WBP2NL: variants seen among roughly 807,000 people sequenced by gnomAD.
WBP2NL encodes the protein postacrosomal sheath WW domain-binding protein.
In WBP2NL, 27 loss-of-function variants were observed where a neutral mutation model predicts 23.3. The observed-to-expected ratio is 1.16, with a 90% CI of 0.85 to 1.60. The LOEUF (loss-of-function observed/expected upper bound fraction) is 1.60, where lower values mean the gene tolerates loss of function less well. Ranked by LOEUF, WBP2NL falls within the 40% of genes most tolerant of loss-of-function variation. The pLI is 0.00. For missense variants in WBP2NL, 370 were observed against 389.5 expected (o/e 0.95, Z 0.42); for synonymous variants, 151 against 145.9 (o/e 1.03, Z -0.25).
At chr22:42,056,629 G>T (rs950125839) in intron 8 of WBP2NL, among the ~76,000 whole-genome samples, 4 of 152,032 alleles carry the variant, frequency 2.6e-5, no homozygotes, top group Non-Finnish European at 4.4e-5. Flanking sequence ...TTGAAAGATA[G>T]TTTGGCCAAA....
At chr22:42,007,508 A>G (rs1017419888) in intron 1 of WBP2NL, among the ~76,000 whole-genome samples, 16 of 152,186 alleles carry the variant, frequency 1.1e-4, no homozygotes, top group Non-Finnish European at 2.4e-4. Flanking sequence ...CTGAGTGCCC[A>G]CTTCACCATA....
chr22:42,034,743 G>A (rs940411819), downstream of WBP2NL, among the ~76,000 whole-genome samples: 12 of 152,198 alleles, frequency 7.9e-5, no homozygotes, highest in African/African-American at 2.7e-4. Flanking sequence ...CCTACCCCTA[G>A]GTGCGCATTC....
intron 8 of WBP2NL, among the ~76,000 whole-genome samples, chr22:42,057,773 TATTAG>T (rs1457884867): frequency 2.7e-5 from 4 of 147,086 alleles, no homozygotes; most frequent in African/African-American, 1.0e-4. Context: ...ATAGATTGGT[TATTAG>T]ATTATTTTAA....
At chr22:42,038,924 G>A (rs188641871) in intron 8 of WBP2NL, among the ~76,000 whole-genome samples, 5 of 150,670 alleles carry the variant, frequency 3.3e-5, no homozygotes, top group Admixed American at 6.6e-5. Context: ...TTTCTTTTTC[G>A]AGATAGGGTC....
At chr22:42,010,569 C>G (rs765615610) in intron 1 of WBP2NL, among the ~76,000 whole-genome samples, 1 of 151,886 alleles carries the variant, frequency 6.6e-6, no homozygotes, top group African/African-American at 2.4e-5. Context: ...GACGGAGTCT[C>G]GCTCTGTTGC....
chr22:42,050,383 T>C (rs1296713063), intron 8 of WBP2NL, among the ~76,000 whole-genome samples: 1 of 152,076 alleles, frequency 6.6e-6, no homozygotes. Context: ...TGGTGGCTTA[T>C]GCTTGTAATC....
In WBP2NL at chr22:42,027,122, C is replaced by A; in HGVS notation, c.871C>A (p.Gln291Lys). ...GARPQESTAA[Q>K]APENEASLPS... ...CAGGCCTCAGGAATCTACAGCAGCC[C>A]AGGCTCCTGAAAACGAGGCTTCTCT... The change falls in exon 6 of 6, where the codon CAG (glutamine) becomes AAG (lysine). Residue 291 changes from glutamine to lysine, a missense_variant. By Grantham distance (53) the Gln-to-Lys change is moderately conservative. Transcript: ENST00000328823. 1.9e-6 allele frequency: 3 copies of A among 1,614,148 alleles called. No individual in the cohort carries two copies. The highest frequency in any genetic ancestry group is 2.5e-6 in the Non-Finnish European group (3 of 1,179,998).
chr22:42,034,254 C>T (rs1379384720), downstream of WBP2NL, among the ~76,000 whole-genome samples: 2 of 152,202 alleles, frequency 1.3e-5, no homozygotes, highest in Non-Finnish European at 2.9e-5. Flanking sequence ...CCAATAATCA[C>T]GTAGGTTCTT....
Position 42,023,648 on chromosome 22 carries a change from C to G in WBP2NL, c.514+1292C>G, listed in dbSNP as rs916990765. On this transcript the variant is annotated intron_variant, in intron 5 of 5. Transcript: ENST00000328823. Reference sequence around the variant, plus strand: ...CTGGGACTACCGGCGCCCGCCACCACGCCCGGCTAATTTTTTTTTTGTATT... The same window carrying G: ...CTGGGACTACCGGCGCCCGCCACCAGGCCCGGCTAATTTTTTTTTTGTATT... 5.3e-5 allele frequency among the ~76,000 whole-genome samples: 8 copies of G among 151,784 alleles called. No individual in the cohort carries two copies. The South Asian group carries it at 1.7e-3, about 32-fold the overall frequency.
rs753131392 is a variant in WBP2NL at position 42,022,255 on chromosome 22, G to A, written c.413G>A (p.Arg138Gln). ...LMVKAASAAARGFPLRTLNDW... is the reference protein window; with the variant it reads ...LMVKAASAAAQGFPLRTLNDW... ...GCCAAATTTGTCTTTCCAGCTGCCC[G>A]AGGATTTCCACTTAGAACCTTAAAT... The change falls in exon 5 of 6, where the codon CGA (arginine) becomes CAA (glutamine). Residue 138 changes from arginine (R) to glutamine (Q), a missense_variant. Transcript: ENST00000328823. 23 of 1,614,040 alleles carry A rather than the reference G, an allele frequency of 1.4e-5. No homozygotes were observed. The highest frequency in any genetic ancestry group is 1.6e-4 in the Middle Eastern group (1 of 6,084).
intron 8 of WBP2NL, among the ~76,000 whole-genome samples, chr22:42,051,860 C>T (rs1258465032): frequency 1.3e-5 from 2 of 152,052 alleles, no homozygotes; most frequent in Non-Finnish European, 1.5e-5. Flanking sequence ...AATTCCTGAG[C>T]GATAATCCCA....
chr22:42,027,747 A>C lies in WBP2NL; in HGVS notation c.*566A>C. The C allele has an allele frequency of 2.6e-6, 1 of 383,286 alleles. No homozygotes were observed. The highest frequency in any genetic ancestry group is 4.6e-6 in the Non-Finnish European group (1 of 217,258). 23.7% of individuals were successfully genotyped at this position (383,286 alleles called of 1,614,324 possible). A position where few individuals can be genotyped will look rare whatever the true frequency, so the allele number is the denominator to read the frequency against. The stretch of plus-strand genomic sequence containing the variant: ...AGCATGATAAATTGACTATATCAAA[A>C]TTTAAAACTTCTCTATGACAGAAGT... On this transcript the variant is annotated 3_prime_UTR_variant, in exon 6 of 6. Coordinates refer to ENST00000328823, the MANE Select transcript of WBP2NL (RefSeq NM_152613.3).
intron 8 of WBP2NL, among the ~76,000 whole-genome samples, chr22:42,047,788 A>G (rs947366989): frequency 6.9e-6 from 1 of 145,604 alleles, no homozygotes; most frequent in Non-Finnish European, 1.5e-5. Context: ...CACCTGGCTA[A>G]CTTTTTATAT....
Position 42,019,746 on chromosome 22 carries a change from G to A in WBP2NL, c.256G>A (p.Glu86Lys). Residue 86 changes from glutamate (E) to lysine (K), a missense_variant, in exon 3 of 6, where the codon GAA becomes AAA. By Grantham distance (56) the Glu-to-Lys change is moderately conservative. Transcript: ENST00000328823. ...TGATCTGATGACGAACCTCACTGTT[G>A]AACAACCAGTATTTGCTGCAAACTT... is the stretch of plus-strand genomic sequence containing the variant. The part of the protein sequence containing the change: ...PFDLMTNLTV[E>K]QPVFAANFIK... 6.2e-7 allele frequency: 1 copy of A among 1,614,080 alleles called. No homozygotes were observed. The highest frequency in any genetic ancestry group is 8.5e-7 in the Non-Finnish European group (1 of 1,180,010).
At chr22:42,000,308 G>T (rs1003609211) in intron 1 of WBP2NL, among the ~76,000 whole-genome samples, 52 of 152,178 alleles carry the variant, frequency 3.4e-4, no homozygotes, top group African/African-American at 1.1e-3. Context: ...TACCTCTGCT[G>T]CTTTGTTCCA....
intron 8 of WBP2NL, among the ~76,000 whole-genome samples, chr22:42,052,624 C>G (rs1602484111): frequency 6.6e-6 from 1 of 152,316 alleles, no homozygotes; most frequent in African/African-American, 2.4e-5. Flanking sequence ...AAATTCTAGA[C>G]TGTTGCTGGA....
chr22:42,019,275 CTTTA>C, intron 1 of WBP2NL, 32 bp from the exon 2 acceptor site: 1 of 1,559,468 alleles, frequency 6.4e-7, no homozygotes, highest in Non-Finnish European at 8.7e-7. Flanking sequence ...TACATACATT[CTTTA>C]TTGTGTGCCG....
At chr22:42,047,965 G>A (rs77219818) in intron 8 of WBP2NL, among the ~76,000 whole-genome samples, 2,304 of 152,072 alleles carry the variant, frequency 0.015, 49 homozygotes, top group African/African-American at 0.053. Context: ...CTGCAGACCA[G>A]TATCTCTCAT....
At position 42,019,295 on chromosome 22, in the gene WBP2NL, T is replaced by G; in HGVS notation, c.63-16T>G. 6.2e-7 allele frequency: 1 copy of G among 1,603,244 alleles called. No homozygotes were observed. Among genetic ancestry groups the G allele is most frequent in the Non-Finnish European group, 8.5e-7 (1 of 1,174,356 alleles). ...ACATTCTTTATTGTGTGCCGTCTGT[T>G]CCTCATTTTCTACAGTCTCTTGAAG... On this transcript the variant is annotated splice_polypyrimidine_tract_variant and intron_variant, in intron 1 of 5. Transcript: ENST00000328823.
Sources: allele counts gnomAD v4.1 joint callset (sites outside exome capture counted in the v4.1 genomes callset), GRCh38; gene constraint gnomAD v4.1.1; transcripts MANE v1.5; gene names NCBI Gene and HGNC (gene_info 2026-07-23, HGNC 2026-07-21).